OR51A4: variants seen among roughly 807,000 people sequenced by gnomAD.
OR51A4 encodes olfactory receptor family 51 subfamily A member 4, also known as olfactory receptor 51A4.
For missense variants in OR51A4, 243 were observed against 364.0 expected (o/e 0.67, Z 2.70); for synonymous variants, 96 against 141.5 (o/e 0.68, Z 2.28).
Position 4,943,680 on chromosome 11 carries a change from T to C in OR51A4, c.*2479A>G. The C allele has an allele frequency of 2.8e-6, 1 of 355,314 alleles. No individual in the cohort carries two copies. The highest frequency in any genetic ancestry group is 5.6e-6 in the Non-Finnish European group (1 of 179,242). 22.0% of individuals were successfully genotyped at this position (355,314 alleles called of 1,614,324 possible). A position where few individuals can be genotyped will look rare whatever the true frequency, so the allele number is the denominator to read the frequency against. On this transcript the variant is annotated 3_prime_UTR_variant, in exon 2 of 2. Coordinates refer to ENST00000641898, the MANE Select transcript of OR51A4 (RefSeq NM_001005329.2). ...TGCCAAATGTCTCTTGGAGGTAACA[T>C]TGCTGCCAGTTGAGAACCACTGTTT...
In OR51A4 at chr11:4,947,537, G is replaced by A. The variant is rs1846331483; in HGVS notation, c.-63+8C>T. On this transcript the variant is annotated splice_region_variant and intron_variant, in intron 1 of 1. Coordinates refer to ENST00000641898, the MANE Select transcript of OR51A4 (RefSeq NM_001005329.2). ...AAGCTAAATAAATGAGAATACCTGGGTACTTACCAGTAAGTGGATATGTTT... is the reference window on the plus strand; with the variant it reads ...AAGCTAAATAAATGAGAATACCTGGATACTTACCAGTAAGTGGATATGTTT... The A allele has an allele frequency of 7.5e-6, 1 of 133,214 alleles. No homozygotes were observed. Among genetic ancestry groups the A allele is most frequent in the East Asian group, 2.0e-4 (1 of 4,882 alleles). 8.3% of individuals were successfully genotyped at this position (133,214 alleles called of 1,614,324 possible).
chr11:4,945,059 G>T lies in OR51A4; in HGVS notation c.*1100C>A, dbSNP rs917254307. 2.6e-5 allele frequency: 4 copies of T among 151,760 alleles called. No homozygotes were observed. The highest frequency in any genetic ancestry group is 9.7e-5 in the African/African-American group (4 of 41,344). 9.4% of individuals were successfully genotyped at this position (151,760 alleles called of 1,614,324 possible). On this transcript the variant is annotated 3_prime_UTR_variant, in exon 2 of 2. Transcript: ENST00000641898. Reference sequence around the variant, plus strand: ...GTACACTTTATTCAAGAAGAAGAAAGAAATGAAATAAGGATAAAATATATC... The same window carrying T: ...GTACACTTTATTCAAGAAGAAGAAATAAATGAAATAAGGATAAAATATATC...
rs552816443 is a variant in OR51A4 at position 4,944,594 on chromosome 11, T to C, written c.*1565A>G. ...AGGTGTTTCTTGATTCACCTGAGGT[T>C]AGAAGTGTAGGAGACTTGAACTGAC... On this transcript the variant is annotated 3_prime_UTR_variant, in exon 2 of 2. Transcript: ENST00000641898. 1 of 152,316 alleles carries C rather than the reference T, an allele frequency of 6.6e-6. No homozygotes were observed. Among genetic ancestry groups the C allele is most frequent in the East Asian group, 1.9e-4 (1 of 5,176 alleles). 9.4% of individuals were successfully genotyped at this position (152,316 alleles called of 1,614,324 possible).
In OR51A4 at chr11:4,946,868, G is replaced by A. The variant is rs867426581; in HGVS notation, c.233C>T (p.Ser78Leu). 6.2e-7 allele frequency: 1 copy of A among 1,603,524 alleles called. No individual in the cohort carries two copies. Among genetic ancestry groups the A allele is most frequent in the Non-Finnish European group, 8.5e-7 (1 of 1,173,794 alleles). The change falls in exon 2 of 2, where the codon TCA becomes TTA. Residue 78 changes from serine (S) to leucine (L), a missense_variant. Ser to Leu is a moderately radical substitution (Grantham distance 145). Transcript: ENST00000641898. ...LAMSDLGLSLSSLPTVLSIFL... is the reference protein window; with the variant it reads ...LAMSDLGLSLLSLPTVLSIFL... ...GATGCTTAACACAGTGGGCAGAGAT[G>A]ATAAAGACAAACCCAAGTCTGACAT...
At position 4,944,625 on chromosome 11, in the gene OR51A4, T is replaced by A. The variant is rs955139303; in HGVS notation, c.*1534A>T. The stretch of plus-strand genomic sequence containing the variant: ...TGTAGGAGACTTGAACTGACGTGGT[T>A]GATAAAAATGACTTGATTCAATGGG... On this transcript the variant is annotated 3_prime_UTR_variant, in exon 2 of 2. Transcript: ENST00000641898. The A allele has an allele frequency of 6.6e-6, 1 of 152,130 alleles. No individual in the cohort carries two copies. The highest frequency in any genetic ancestry group is 6.6e-5 in the Admixed American group (1 of 15,264). 9.4% of individuals were successfully genotyped at this position (152,130 alleles called of 1,614,324 possible).
Position 4,942,873 on chromosome 11 carries a change from A to T in OR51A4, c.*3286T>A, listed in dbSNP as rs2595996. ...AAGCAAGAATAACACATTCAATTAA[A>T]TGGATTGGGTTGATTGTACACAATT... On this transcript the variant is annotated 3_prime_UTR_variant, in exon 2 of 2. Transcript: ENST00000641898. 1 of 152,016 alleles carries T rather than the reference A, an allele frequency of 6.6e-6. No homozygotes were observed. Among genetic ancestry groups the T allele is most frequent in the Non-Finnish European group, 1.5e-5 (1 of 68,004 alleles). The allele number at this position is 152,016 out of a possible 1,614,324, so 9.4% of individuals were successfully genotyped here.
Position 4,944,124 on chromosome 11 carries a change from TA to T in OR51A4, c.*2034del. On this transcript the variant is annotated 3_prime_UTR_variant, in exon 2 of 2. Coordinates refer to ENST00000641898, the MANE Select transcript of OR51A4 (RefSeq NM_001005329.2). ...TGTATTTGTAAGGTTTTGGAAAAGG[TA>T]GATAGATACAGTTATGCACCTCAAA... 1 of 455,864 alleles carries T rather than the reference TA, an allele frequency of 2.2e-6. No homozygotes were observed. The highest frequency in any genetic ancestry group is 1.6e-5 in the South Asian group (1 of 64,402). 28.2% of individuals were successfully genotyped at this position (455,864 alleles called of 1,614,324 possible).
At position 4,943,817 on chromosome 11, in the gene OR51A4, A is replaced by T; in HGVS notation, c.*2342T>A. ...ATCTTCACCTCCCCCATTGAGATTT[A>T]TGTATCTTTATTTTATTTTTCATTT... On this transcript the variant is annotated 3_prime_UTR_variant, in exon 2 of 2. Coordinates refer to ENST00000641898, the MANE Select transcript of OR51A4 (RefSeq NM_001005329.2). 1 of 440,370 alleles carries T rather than the reference A, an allele frequency of 2.3e-6. No homozygotes were observed. Among genetic ancestry groups the T allele is most frequent in the Non-Finnish European group, 4.5e-6 (1 of 221,058 alleles). 27.3% of individuals were successfully genotyped at this position (440,370 alleles called of 1,614,324 possible). A position where few individuals can be genotyped will look rare whatever the true frequency, so the allele number is the denominator to read the frequency against.
In OR51A4 at chr11:4,943,392, G is replaced by C. The variant is rs1846245330; in HGVS notation, c.*2767C>G. On this transcript the variant is annotated 3_prime_UTR_variant, in exon 2 of 2. Transcript: ENST00000641898. ...TTTCTGAGGAACTTCTCTGGTATCA[G>C]ATTGCCCCTAGGTGCTGTGTAGGTG... The C allele has an allele frequency of 2.4e-6, 1 of 416,392 alleles. No homozygotes were observed. The allele number at this position is 416,392 out of a possible 1,614,324, so 25.8% of individuals were successfully genotyped here.
Position 4,943,815 on chromosome 11 carries a change from T to G in OR51A4, c.*2344A>C, listed in dbSNP as rs1350254195. 4.6e-6 allele frequency: 2 copies of G among 437,946 alleles called. No individual in the cohort carries two copies. The highest frequency in any genetic ancestry group is 4.5e-6 in the Non-Finnish European group (1 of 219,888). 27.1% of individuals were successfully genotyped at this position (437,946 alleles called of 1,614,324 possible). ...AAATCTTCACCTCCCCCATTGAGAT[T>G]TATGTATCTTTATTTTATTTTTCAT... On this transcript the variant is annotated 3_prime_UTR_variant, in exon 2 of 2. Coordinates refer to ENST00000641898, the MANE Select transcript of OR51A4 (RefSeq NM_001005329.2).
Position 4,945,960 on chromosome 11 carries a change from T to G in OR51A4, c.*199A>C. The G allele has an allele frequency of 1.7e-6, 1 of 594,786 alleles. No individual in the cohort carries two copies. Among genetic ancestry groups the G allele is most frequent in the Non-Finnish European group, 3.0e-6 (1 of 332,776 alleles). The allele number at this position is 594,786 out of a possible 1,614,324, so 36.8% of individuals were successfully genotyped here. On this transcript the variant is annotated 3_prime_UTR_variant, in exon 2 of 2. Coordinates refer to ENST00000641898, the MANE Select transcript of OR51A4 (RefSeq NM_001005329.2). ...CATAAGACATTTATTTTTATTCTGC[T>G]TAACTGAAATGGGGACATAAGGCAA...
In OR51A4 at chr11:4,945,447, C is replaced by T. The variant is rs1362659587; in HGVS notation, c.*712G>A. 6.6e-6 allele frequency: 1 copy of T among 152,524 alleles called. No individual in the cohort carries two copies. The highest frequency in any genetic ancestry group is 6.5e-5 in the Admixed American group (1 of 15,294). The allele number at this position is 152,524 out of a possible 1,614,324, so 9.4% of individuals were successfully genotyped here. The stretch of plus-strand genomic sequence containing the variant: ...CCATGTAGGGTCTTAGAATATGTTC[C>T]TTATTGATTTAACTGTATTTCTAAC... On this transcript the variant is annotated 3_prime_UTR_variant, in exon 2 of 2. Transcript: ENST00000641898.
rs547462531 is a variant in OR51A4, at chr11:4,944,072, G to C, written c.*2087C>G. On this transcript the variant is annotated 3_prime_UTR_variant, in exon 2 of 2. Coordinates refer to ENST00000641898, the MANE Select transcript of OR51A4 (RefSeq NM_001005329.2). Reference sequence around the variant, plus strand: ...AATAAAATATGTCAACTACTGCTTGGTTGTACTACAACCCCAAACCCATAT... The same window carrying C: ...AATAAAATATGTCAACTACTGCTTGCTTGTACTACAACCCCAAACCCATAT... The C allele has an allele frequency of 9.4e-5, 42 of 448,950 alleles. No homozygotes were observed. The highest frequency in any genetic ancestry group is 6.6e-4 in the Middle Eastern group (2 of 3,010). 27.8% of individuals were successfully genotyped at this position (448,950 alleles called of 1,614,324 possible).
chr11:4,945,569 C>A lies in OR51A4; in HGVS notation c.*590G>T, dbSNP rs1020760255. 1 of 154,904 alleles carries A rather than the reference C, an allele frequency of 6.5e-6. No homozygotes were observed. Among genetic ancestry groups the A allele is most frequent in the South Asian group, 2.0e-4 (1 of 5,038 alleles). The allele number at this position is 154,904 out of a possible 1,614,324, so 9.6% of individuals were successfully genotyped here. A position where few individuals can be genotyped will look rare whatever the true frequency, so the allele number is the denominator to read the frequency against. ...TGTGAATCAATTATAAGGCAGGGAA[C>A]TTAGCAATATTTTATGAGAGAAATG... On this transcript the variant is annotated 3_prime_UTR_variant, in exon 2 of 2. Transcript: ENST00000641898.
rs1321954095 is a variant in OR51A4, at chr11:4,946,242, G to A, written c.859C>T (p.Leu287=). The A allele has an allele frequency of 6.8e-6, 11 of 1,614,016 alleles. No individual in the cohort carries two copies. The highest frequency in any genetic ancestry group is 9.3e-6 in the Non-Finnish European group (11 of 1,180,022). The change falls in exon 2 of 2, where the codon CTG becomes TTG. Residue 287 remains leucine, a synonymous_variant. Transcript: ENST00000641898. ...ACACAATAAACAATTGGGTTCGTCA[G>A]TGGAGGTACAAGTAGGAGAACATTT... The part of the protein sequence containing the change: ...MANVLLLVPP[L]TNPIVYCVKT...
At position 4,944,141 on chromosome 11, in the gene OR51A4, G is replaced by A. The variant is rs1380627987; in HGVS notation, c.*2018C>T. ...GGAAAAGGTAGATAGATACAGTTAT[G>A]CACCTCAAACATAGGAACAGTTCTT... On this transcript the variant is annotated 3_prime_UTR_variant, in exon 2 of 2. Transcript: ENST00000641898. 6.6e-6 allele frequency: 3 copies of A among 455,198 alleles called. No individual in the cohort carries two copies. The highest frequency in any genetic ancestry group is 2.0e-5 in the African/African-American group (1 of 49,996). 28.2% of individuals were successfully genotyped at this position (455,198 alleles called of 1,614,324 possible). A position where few individuals can be genotyped will look rare whatever the true frequency, so the allele number is the denominator to read the frequency against.
Position 4,945,612 on chromosome 11 carries a change from C to T in OR51A4, c.*547G>A, listed in dbSNP as rs1476121706. 6.3e-6 allele frequency: 1 copy of T among 157,858 alleles called. No individual in the cohort carries two copies. The highest frequency in any genetic ancestry group is 1.4e-5 in the Non-Finnish European group (1 of 71,380). 9.8% of individuals were successfully genotyped at this position (157,858 alleles called of 1,614,324 possible). A position where few individuals can be genotyped will look rare whatever the true frequency, so the allele number is the denominator to read the frequency against. On this transcript the variant is annotated 3_prime_UTR_variant, in exon 2 of 2. Transcript: ENST00000641898. ...GAGAAATGCTGGTGACTGCAGACTA[C>T]TGGTGGGGCAAGAGTGAAAGAGGCA...
chr11:4,943,038 G>A lies in OR51A4; in HGVS notation c.*3121C>T, dbSNP rs1846238372. Reference sequence around the variant, plus strand: ...TCTCATGTAACTCCTATATCATACAGGCATATTCTCTCCACCTAATTCACA... The same window carrying A: ...TCTCATGTAACTCCTATATCATACAAGCATATTCTCTCCACCTAATTCACA... On this transcript the variant is annotated 3_prime_UTR_variant, in exon 2 of 2. Transcript: ENST00000641898. 6.4e-6 allele frequency: 1 copy of A among 155,684 alleles called. No homozygotes were observed. The highest frequency in any genetic ancestry group is 2.4e-5 in the African/African-American group (1 of 41,412). 9.6% of individuals were successfully genotyped at this position (155,684 alleles called of 1,614,324 possible). A position where few individuals can be genotyped will look rare whatever the true frequency, so the allele number is the denominator to read the frequency against.
Position 4,946,238 on chromosome 11 carries a change from G to C in OR51A4, c.863C>G (p.Thr288Arg), listed in dbSNP as rs28698374. The C allele has an allele frequency of 6.2e-7, 1 of 1,613,316 alleles. No homozygotes were observed. Among genetic ancestry groups the C allele is most frequent in the African/African-American group, 1.3e-5 (1 of 74,512 alleles). The change falls in exon 2 of 2, where the codon ACG (threonine) becomes AGG (arginine). Residue 288 changes from threonine to arginine, a missense_variant. Coordinates refer to ENST00000641898, the MANE Select transcript of OR51A4 (RefSeq NM_001005329.2). ...TTTTACACAATAAACAATTGGGTTC[G>C]TCAGTGGAGGTACAAGTAGGAGAAC... ...ANVLLLVPPL[T>R]NPIVYCVKTK...
Sources: gnomAD v4.1 joint callset for allele counts on GRCh38, gnomAD v4.1.1 for gene constraint, MANE v1.5 for transcripts, NCBI Gene and HGNC (gene_info 2026-07-23, HGNC 2026-07-21) for gene names.